The following SCAF8 variants were observed in gnomAD, a reference collection of about 807,000 sequenced individuals.
SCAF8 encodes SR-related and CTD-associated factor 8.
A neutral mutation model predicts 140.5 loss-of-function variants in SCAF8; 23 were observed. The observed-to-expected ratio is 0.16, with a 90% confidence interval of 0.12 to 0.23. The LOEUF is 0.23. Ranked by LOEUF, SCAF8 falls within the 10% of genes least tolerant of loss-of-function variation. SCAF8 has a pLI of 1.00. For missense variants in SCAF8, 1,397 were observed against 1,555.7 expected, an observed-to-expected ratio of 0.90 and a Z score of 1.72; for synonymous variants, 575 against 528.9, an observed-to-expected ratio of 1.09 and a Z score of -1.20.
intron 4 of SCAF8, among the ~76,000 whole-genome samples, chr6:154,791,322 C>T (rs1777412568): frequency 6.6e-6 from 1 of 152,140 alleles, no homozygotes; most frequent in African/African-American, 2.4e-5. Flanking sequence ...CTAGTCTTTT[C>T]AAGTTTATAA....
chr6:154,771,312 A>G (rs1049142015), intron 1 of SCAF8, among the ~76,000 whole-genome samples: 6 of 152,186 alleles, frequency 3.9e-5, no homozygotes, highest in Admixed American at 3.3e-4. Flanking sequence ...ATGGATGGGT[A>G]TGCATTAACT....
intron 18 of SCAF8, among the ~76,000 whole-genome samples, chr6:154,829,620 A>T (rs1171231195): frequency 6.6e-6 from 1 of 152,100 alleles, no homozygotes; most frequent in Non-Finnish European, 1.5e-5. Flanking sequence ...ATAGCTTTAA[A>T]ATTTGGCCGG....
intron 2 of SCAF8, among the ~76,000 whole-genome samples, chr6:154,774,286 A>G (rs1395334387): frequency 1.3e-5 from 2 of 152,028 alleles, no homozygotes; most frequent in Non-Finnish European, 2.9e-5. Flanking sequence ...TTTAGAGACA[A>G]TGTCTTATTC....
At chr6:154,807,808 C>T (rs1448110412) in intron 9 of SCAF8, among the ~76,000 whole-genome samples, 1 of 152,178 alleles carries the variant, frequency 6.6e-6, no homozygotes, top group Non-Finnish European at 1.5e-5. Context: ...TATATTTTCA[C>T]AATTGAAAAT....
chr6:154,782,404 G>A (rs142007506), intron 3 of SCAF8, among the ~76,000 whole-genome samples: 15 of 151,988 alleles, frequency 9.9e-5, no homozygotes, highest in Non-Finnish European at 1.8e-4. Flanking sequence ...GGGCAACAAA[G>A]CAAGAGCTTG....
At chr6:154,779,925 A>C (rs1159889917) in intron 3 of SCAF8, among the ~76,000 whole-genome samples, 1 of 152,120 alleles carries the variant, frequency 6.6e-6, no homozygotes, top group Non-Finnish European at 1.5e-5. Flanking sequence ...GTTCTGTAGA[A>C]TTGTAGTAAA....
At position 154,817,595 on chromosome 6, in the gene SCAF8, A is replaced by G. The variant is rs1778291060; in HGVS notation, c.1522-884A>G. Among the ~76,000 whole-genome samples, 4 of 152,322 alleles carry G rather than the reference A, an allele frequency of 2.6e-5. No individual in the cohort carries two copies. The South Asian group carries it at 8.3e-4, about 32-fold the overall frequency. Reference sequence around the variant, plus strand: ...AGGAATTAGAGCTAGATTGTAATAGATAAAGAAGAATGTCAAGGTTTAGAT... The same window carrying G: ...AGGAATTAGAGCTAGATTGTAATAGGTAAAGAAGAATGTCAAGGTTTAGAT... On this transcript the variant is annotated intron_variant, in intron 13 of 19. Transcript: ENST00000367178.
At chr6:154,756,276 C>T (rs868691075) in intron 1 of SCAF8, among the ~76,000 whole-genome samples, 21 of 152,276 alleles carry the variant, frequency 1.4e-4, no homozygotes, top group Middle Eastern at 3.4e-3. Flanking sequence ...GAATTAGTGT[C>T]TCTGCAGAAT....
chr6:154,765,215 G>A (rs1776527137), intron 1 of SCAF8, among the ~76,000 whole-genome samples: 1 of 152,184 alleles, frequency 6.6e-6, no homozygotes, highest in South Asian at 2.1e-4. Context: ...GTCCTTGGAA[G>A]GCAGGTATGC....
At chr6:154,784,126 T>TATAC (rs1777171414) in intron 3 of SCAF8, among the ~76,000 whole-genome samples, 1 of 57,674 alleles carries the variant, frequency 1.7e-5, no homozygotes, top group African/African-American at 1.7e-4. Context: ...TTGAGATATA[T>TATAC]ATATATATAT....
chr6:154,819,733 A>G lies in SCAF8; in HGVS notation c.1636-444A>G, dbSNP rs556626536. Among the ~76,000 whole-genome samples the G allele has an allele frequency of 1.6e-4, 24 of 152,348 alleles. No individual in the cohort carries two copies. In the South Asian group the frequency reaches 4.8e-3, roughly 30 times the overall value. ...GTGGAAATCCTTTATTGTAAATACTATGTCTAATGTAAGTTTTATTTTAAA... is the reference window on the plus strand; with the variant it reads ...GTGGAAATCCTTTATTGTAAATACTGTGTCTAATGTAAGTTTTATTTTAAA... On this transcript the variant is annotated intron_variant, in intron 14 of 19. Transcript: ENST00000367178.
intron 1 of SCAF8, among the ~76,000 whole-genome samples, chr6:154,759,108 C>T (rs560971358): frequency 1.3e-5 from 2 of 152,278 alleles, no homozygotes; most frequent in Non-Finnish European, 2.9e-5. Context: ...TCCAGTTTGC[C>T]TGCTGTTTTT....
intron 10 of SCAF8, 124 bp from the exon 11 acceptor site, chr6:154,808,562 A>G: frequency 1.6e-6 from 1 of 638,724 alleles, no homozygotes; most frequent in Non-Finnish European, 2.8e-6. Flanking sequence ...AAGCCAAAAG[A>G]TTGGACACCC....
At chr6:154,789,770 C>T (rs2114873602) in intron 4 of SCAF8, among the ~76,000 whole-genome samples, 1 of 151,502 alleles carries the variant, frequency 6.6e-6, no homozygotes, top group East Asian at 2.0e-4. Context: ...TGGTCTCGAT[C>T]TCCTGACCTC....
At chr6:154,737,923 G>T (rs1778469142) in intron 1 of SCAF8, among the ~76,000 whole-genome samples, 1 of 152,104 alleles carries the variant, frequency 6.6e-6, no homozygotes, top group Admixed American at 6.5e-5. Flanking sequence ...ACCTTTTATG[G>T]CTTGCTAAGG....
Position 154,794,220 on chromosome 6 carries a change from G to T in SCAF8, c.476-789G>T, listed in dbSNP as rs148305685. Among the ~76,000 whole-genome samples, 369 of 152,190 alleles carry T rather than the reference G, an allele frequency of 2.4e-3. 3 individuals carry two copies. Among genetic ancestry groups the T allele is most frequent in the African/African-American group, 8.2e-3 (339 of 41,510 alleles). On this transcript the variant is annotated intron_variant, in intron 5 of 19. Transcript: ENST00000367178. Reference sequence around the variant, plus strand: ...GTTGGGATTACAGGCATGAACCACTGTACCTGGCCCAAACATGGTTTTATA... The same window carrying T: ...GTTGGGATTACAGGCATGAACCACTTTACCTGGCCCAAACATGGTTTTATA...
intron 1 of SCAF8, among the ~76,000 whole-genome samples, chr6:154,738,812 C>G (rs1347671918): frequency 1.3e-5 from 2 of 152,194 alleles, no homozygotes; most frequent in Admixed American, 1.3e-4. Flanking sequence ...TTTATGTGAG[C>G]TGCATATCTA....
chr6:154,826,148 T>C (rs916780668), intron 17 of SCAF8, among the ~76,000 whole-genome samples: 1 of 152,154 alleles, frequency 6.6e-6, no homozygotes, highest in African/African-American at 2.4e-5. Flanking sequence ...TAATGTGTAA[T>C]TGGAAATTGA....
intron 17 of SCAF8, chr6:154,825,381 A>G (rs1340522335): frequency 6.6e-6 from 1 of 152,150 alleles, no homozygotes; most frequent in Non-Finnish European, 1.5e-5. Flanking sequence ...ATAGTTTAAG[A>G]TAGAGCTTTT....
Sources: allele counts gnomAD v4.1 joint callset (sites outside exome capture counted in the v4.1 genomes callset), GRCh38; gene constraint gnomAD v4.1.1; transcripts MANE v1.5; gene names NCBI Gene and HGNC (gene_info 2026-07-23, HGNC 2026-07-21).